SORCS1: variants seen among roughly 807,000 people sequenced by gnomAD.
SORCS1 encodes VPS10 domain-containing receptor SorCS1.
Under a neutral mutation model 146.1 loss-of-function variants are expected in SORCS1, and 60 were observed. The ratio of observed to expected loss-of-function variants is 0.41; its 90% confidence interval spans 0.33 to 0.51. The LOEUF (loss-of-function observed/expected upper bound fraction) is 0.51. Ranked by LOEUF, SORCS1 falls within the 20% of genes least tolerant of loss-of-function variation. The pLI, the probability that SORCS1 is intolerant of heterozygous loss-of-function variation, is 0.21. For missense variants in SORCS1, 1,352 were observed against 1,487.6 expected, an observed-to-expected ratio of 0.91 and a Z score of 1.50; for synonymous variants, 637 against 584.0, an observed-to-expected ratio of 1.09 and a Z score of -1.31.
intron 1 of SORCS1, among the ~76,000 whole-genome samples, chr10:107,139,740 T>C (rs574813728): frequency 3.9e-5 from 6 of 152,312 alleles, no homozygotes; most frequent in Non-Finnish European, 7.3e-5. Context: ...TTTATAGTGA[T>C]TGCAGTCCTT....
intron 1 of SORCS1, among the ~76,000 whole-genome samples, chr10:107,111,671 T>G (rs961442629): frequency 6.6e-6 from 1 of 152,128 alleles, no homozygotes. Context: ...AAGAAACACT[T>G]GCTGAAAACT....
intron 1 of SORCS1, among the ~76,000 whole-genome samples, chr10:106,995,221 G>A (rs1358898584): frequency 6.6e-6 from 1 of 151,868 alleles, no homozygotes; most frequent in African/African-American, 2.4e-5. Flanking sequence ...GGCTGAGGCA[G>A]GAGAATGGCG....
intron 9 of SORCS1, among the ~76,000 whole-genome samples, chr10:106,691,968 G>A (rs1480372538): frequency 3.9e-5 from 6 of 151,944 alleles, no homozygotes; most frequent in African/African-American, 9.7e-5. Context: ...TACAACCTTC[G>A]GATTGTCATT....
At chr10:107,143,021 A>G (rs1967975513) in intron 1 of SORCS1, among the ~76,000 whole-genome samples, 1 of 152,102 alleles carries the variant, frequency 6.6e-6, no homozygotes, top group Admixed American at 6.5e-5. Context: ...ATATCACATC[A>G]CTCTTGATCA....
chr10:107,006,330 C>G (rs754316788), intron 1 of SORCS1, among the ~76,000 whole-genome samples: 3 of 151,726 alleles, frequency 2.0e-5, no homozygotes, highest in Non-Finnish European at 2.9e-5. Flanking sequence ...ATGAAAGAAA[C>G]AAGGAAGACA....
rs117596240 is a variant in SORCS1, at chr10:106,996,653, A to G, written c.559-40073T>C. Among the ~76,000 whole-genome samples the G allele has an allele frequency of 5.5e-3, 837 of 152,270 alleles. 8 individuals are homozygous for G. The highest frequency in any genetic ancestry group is 0.052 in the East Asian group (268 of 5,174). ...TCAGAAGCATATTGTTTTCAGCCCT[A>G]CAATTTTCCCATTTGCAAATGAGGC... On this transcript the variant is annotated intron_variant, in intron 1 of 25. Transcript: ENST00000263054.
At chr10:107,136,005 C>T (rs1967267494) in intron 1 of SORCS1, among the ~76,000 whole-genome samples, 2 of 152,114 alleles carry the variant, frequency 1.3e-5, no homozygotes, top group South Asian at 4.2e-4. Context: ...TCTTTCCCAC[C>T]TCTTGCTATG....
intron 2 of SORCS1, among the ~76,000 whole-genome samples, chr10:106,891,426 T>C (rs1036056955): frequency 2.0e-5 from 3 of 151,922 alleles, no homozygotes; most frequent in Admixed American, 6.6e-5. Flanking sequence ...AATATATGAA[T>C]GAATGGACAG....
chr10:106,827,891 C>T (rs1429381844), intron 3 of SORCS1, among the ~76,000 whole-genome samples: 1 of 152,146 alleles, frequency 6.6e-6, no homozygotes, highest in Admixed American at 6.5e-5. Flanking sequence ...CTCAGTAACA[C>T]TAGCCATATT....
At chr10:106,788,734 A>C (rs1053106212) in intron 3 of SORCS1, among the ~76,000 whole-genome samples, 1 of 152,138 alleles carries the variant, frequency 6.6e-6, no homozygotes, top group African/African-American at 2.4e-5. Context: ...AGCTGCTTTC[A>C]TGGGCTGGTG....
intron 2 of SORCS1, among the ~76,000 whole-genome samples, chr10:106,918,716 T>A (rs1225496695): frequency 6.6e-6 from 1 of 152,228 alleles, no homozygotes. Context: ...TGGGCTCAGA[T>A]GAACAGAATA....
intron 5 of SORCS1, among the ~76,000 whole-genome samples, chr10:106,734,615 A>G (rs1856822051): frequency 6.6e-6 from 1 of 152,192 alleles, no homozygotes; most frequent in Admixed American, 6.5e-5. Context: ...ATCAGCATGT[A>G]TTAATTTATC....
intron 10 of SORCS1, 57 bp from the exon 11 acceptor site, chr10:106,679,791 G>A: frequency 7.4e-7 from 1 of 1,348,182 alleles, no homozygotes; most frequent in Non-Finnish European, 1.0e-6. Context: ...GTCATTTGAA[G>A]CTCAGAATCA....
chr10:106,636,676 C>T (rs2133634379), intron 18 of SORCS1, among the ~76,000 whole-genome samples: 1 of 152,306 alleles, frequency 6.6e-6, no homozygotes, highest in South Asian at 2.1e-4. Flanking sequence ...CCAGGTCCTT[C>T]CCTCGACACT....
At chr10:106,654,527 T>C (rs944981758) in intron 17 of SORCS1, among the ~76,000 whole-genome samples, 32 of 152,220 alleles carry the variant, frequency 2.1e-4, no homozygotes, top group African/African-American at 6.5e-4. Flanking sequence ...CTGTGTGAAA[T>C]TCAAGCTCCT....
At chr10:106,668,329 T>A (rs1486400597) in intron 16 of SORCS1, among the ~76,000 whole-genome samples, 1 of 152,214 alleles carries the variant, frequency 6.6e-6, no homozygotes, top group East Asian at 1.9e-4. Flanking sequence ...AAAGGAAATG[T>A]CCTTCAGGAG....
chr10:106,577,575 A>G lies in SORCS1; in HGVS notation c.3372-20T>C, dbSNP rs1844646237. The G allele has an allele frequency of 1.2e-6, 2 of 1,610,176 alleles. No homozygotes were observed. The highest frequency in any genetic ancestry group is 2.7e-5 in the African/African-American group (2 of 74,746). On this transcript the variant is annotated intron_variant, in intron 25 of 25. Coordinates refer to ENST00000263054, the MANE Select transcript of SORCS1 (RefSeq NM_052918.5). ...ACTCTCCTAAGAGAAAACGTGTAAC[A>G]CTTACTCATTTAATGACACTGGAAA...
intron 2 of SORCS1, among the ~76,000 whole-genome samples, chr10:106,861,956 T>C (rs1272473132): frequency 6.6e-6 from 1 of 152,232 alleles, no homozygotes; most frequent in Admixed American, 6.5e-5. Context: ...CTTTCTTTTC[T>C]TCACCATAGA....
chr10:106,910,099 G>A (rs993873136), intron 2 of SORCS1, among the ~76,000 whole-genome samples: 1 of 152,120 alleles, frequency 6.6e-6, no homozygotes, highest in African/African-American at 2.4e-5. Flanking sequence ...TCTATTCTCT[G>A]TGGCTTCTAC....
Sources: gnomAD v4.1 joint callset for allele counts (sites outside exome capture counted in the v4.1 genomes callset) on GRCh38, gnomAD v4.1.1 for gene constraint, MANE v1.5 for transcripts, NCBI Gene and HGNC (gene_info 2026-07-23, HGNC 2026-07-21) for gene names.